EDIL3: variants seen among roughly 807,000 people sequenced by gnomAD.
EDIL3 encodes the protein EGF like and discoidin domains 3, also known as EGF-like repeat and discoidin I-like domain-containing protein 3.
A neutral mutation model predicts 67.4 loss-of-function variants in EDIL3; 37 were observed. The observed-to-expected ratio is 0.55, with a 90% CI of 0.42 to 0.72. The LOEUF is 0.72. EDIL3 is among the 30% of genes least tolerant of loss of function. EDIL3 has a pLI of 0.00. For missense variants in EDIL3, 527 were observed against 586.3 expected (o/e 0.90, Z 1.04); for synonymous variants, 195 against 196.3 (o/e 0.99, Z 0.05).
chr5:84,026,829 C>G (rs1745824331), intron 9 of EDIL3, among the ~76,000 whole-genome samples: 1 of 152,114 alleles, frequency 6.6e-6, no homozygotes, highest in Admixed American at 6.6e-5. Context: ...AAGAATGTAT[C>G]TTGTCCAGCA....
chr5:84,078,665 G>C (rs1025678218), intron 6 of EDIL3: 1 of 152,136 alleles, frequency 6.6e-6, no homozygotes, highest in Non-Finnish European at 1.5e-5. Flanking sequence ...GAAATAGGGA[G>C]GTGAAGTCTT....
chr5:84,122,584 A>C (rs1040673662), intron 5 of EDIL3, among the ~76,000 whole-genome samples: 1 of 151,918 alleles, frequency 6.6e-6, no homozygotes, highest in African/African-American at 2.4e-5. Context: ...CTAAAGTCTT[A>C]CAGCCAGGAT....
intron 9 of EDIL3, among the ~76,000 whole-genome samples, chr5:84,003,387 C>T (rs1241884996): frequency 6.6e-6 from 1 of 152,148 alleles, no homozygotes; most frequent in Non-Finnish European, 1.5e-5. Flanking sequence ...CCCAAGGTGG[C>T]AGCATATAGC....
intron 1 of EDIL3, among the ~76,000 whole-genome samples, chr5:84,311,537 A>G (rs1041145030): frequency 5.3e-5 from 8 of 151,398 alleles, no homozygotes; most frequent in Admixed American, 5.3e-4. Context: ...TAAACTGGTT[A>G]TGGGTAGTAG....
chr5:84,192,091 G>T (rs530025446), intron 3 of EDIL3, among the ~76,000 whole-genome samples: 2 of 151,946 alleles, frequency 1.3e-5, no homozygotes, highest in Non-Finnish European at 2.9e-5. Flanking sequence ...AAGATTAATT[G>T]AAGTATTTTA....
At chr5:84,186,860 G>A (rs1039909208) in intron 3 of EDIL3, among the ~76,000 whole-genome samples, 4 of 151,994 alleles carry the variant, frequency 2.6e-5, no homozygotes, top group Middle Eastern at 3.2e-3. Flanking sequence ...TAGAAGACAA[G>A]GGCAATCTCA....
In EDIL3 at chr5:84,214,599, T is replaced by C. The variant is rs532990281; in HGVS notation, c.226+15256A>G. Among the ~76,000 whole-genome samples, 104 of 152,332 alleles carry C rather than the reference T, an allele frequency of 6.8e-4. 2 individuals carry two copies. Among genetic ancestry groups the C allele is most frequent in the Middle Eastern group, 3.4e-3 (1 of 294 alleles). ...GGAGAGTTGCCTGTAATTTACAGCATCTTTAATATTCTTATCAAATTATTG... is the reference window on the plus strand; with the variant it reads ...GGAGAGTTGCCTGTAATTTACAGCACCTTTAATATTCTTATCAAATTATTG... On this transcript the variant is annotated intron_variant, in intron 3 of 10. Coordinates refer to ENST00000296591, the MANE Select transcript of EDIL3 (RefSeq NM_005711.5).
At chr5:83,990,809 G>A (rs1380011608) in intron 9 of EDIL3, among the ~76,000 whole-genome samples, 1 of 151,804 alleles carries the variant, frequency 6.6e-6, no homozygotes, top group Non-Finnish European at 1.5e-5. Context: ...GAACCCGAGA[G>A]GTGGAGGTTG....
chr5:84,256,519 T>A (rs1745127296), intron 1 of EDIL3, among the ~76,000 whole-genome samples: 1 of 152,150 alleles, frequency 6.6e-6, no homozygotes, highest in South Asian at 2.1e-4. Flanking sequence ...AAAGGTCATG[T>A]CTCATTCCAG....
chr5:84,209,979 T>G (rs1744082048), intron 3 of EDIL3, among the ~76,000 whole-genome samples: 1 of 152,226 alleles, frequency 6.6e-6, no homozygotes, highest in Admixed American at 6.5e-5. Flanking sequence ...CAAAGCACAT[T>G]CTAATTTACC....
At chr5:84,375,096 T>G (rs1437162742) in intron 1 of EDIL3, among the ~76,000 whole-genome samples, 3 of 151,894 alleles carry the variant, frequency 2.0e-5, no homozygotes, top group African/African-American at 7.3e-5. Context: ...CTCAGCCTCC[T>G]GAGTAGCTGG....
intron 9 of EDIL3, among the ~76,000 whole-genome samples, chr5:84,025,093 A>G (rs1355362420): frequency 1.3e-5 from 2 of 152,028 alleles, no homozygotes; most frequent in African/African-American, 4.8e-5. Flanking sequence ...CCACCCTTAA[A>G]TGTATCCCTT....
chr5:84,331,364 G>A (rs746316978), intron 1 of EDIL3, among the ~76,000 whole-genome samples: 31 of 152,298 alleles, frequency 2.0e-4, no homozygotes, highest in Admixed American at 5.9e-4. Flanking sequence ...ATCTTGAACT[G>A]TAGTTCCCAT....
At position 84,357,421 on chromosome 5, in the gene EDIL3, C is replaced by A. The variant is rs1747509363; in HGVS notation, c.67+26887G>T. Among the ~76,000 whole-genome samples, 5 of 152,176 alleles carry A rather than the reference C, an allele frequency of 3.3e-5. No individual in the cohort carries two copies. In the South Asian group the frequency reaches 1.0e-3, roughly 32 times the overall value. The stretch of plus-strand genomic sequence containing the variant: ...ATGGACCTGCATATGAAAGAAAATT[C>A]TCCCACATCAAAGCAGATGGCCCAT... On this transcript the variant is annotated intron_variant, in intron 1 of 10. Transcript: ENST00000296591.
intron 6 of EDIL3, 131 bp from the exon 7 acceptor site, chr5:84,066,737 A>C: frequency 2.5e-6 from 3 of 1,209,034 alleles, no homozygotes; most frequent in Non-Finnish European, 3.4e-6. Context: ...ATTTTCATGG[A>C]TAAATGTTTA....
At chr5:84,124,947 T>C (rs575265502) in intron 5 of EDIL3, among the ~76,000 whole-genome samples, 5 of 152,052 alleles carry the variant, frequency 3.3e-5, no homozygotes, top group Non-Finnish European at 7.4e-5. Flanking sequence ...TTTCTTGGTG[T>C]TAACCTTTTC....
intron 1 of EDIL3, among the ~76,000 whole-genome samples, chr5:84,301,894 T>C (rs1746170507): frequency 6.6e-6 from 1 of 152,214 alleles, no homozygotes; most frequent in Non-Finnish European, 1.5e-5. Flanking sequence ...TGCGTGATTT[T>C]TTTTCCTGAC....
chr5:84,314,895 T>A lies in EDIL3; in HGVS notation c.68-60683A>T, dbSNP rs747796261. On this transcript the variant is annotated intron_variant, in intron 1 of 10. Coordinates refer to ENST00000296591, the MANE Select transcript of EDIL3 (RefSeq NM_005711.5). Reference sequence around the variant, plus strand: ...TAACCCTATTAAGTAGCCCAAAAACTATTTAAAATATAAATATTTTTTGAA... The same window carrying A: ...TAACCCTATTAAGTAGCCCAAAAACAATTTAAAATATAAATATTTTTTGAA... 3.3e-5 allele frequency among the ~76,000 whole-genome samples: 5 copies of A among 152,148 alleles called. No homozygotes were observed. The East Asian group carries it at 9.6e-4, about 29-fold the overall frequency.
At chr5:84,249,009 A>G (rs1734892631) in intron 2 of EDIL3, among the ~76,000 whole-genome samples, 1 of 152,182 alleles carries the variant, frequency 6.6e-6, no homozygotes, top group Non-Finnish European at 1.5e-5. Flanking sequence ...TAAAAAGTTG[A>G]AATTTTTTTA....
Sources: allele counts gnomAD v4.1 joint callset (sites outside exome capture counted in the v4.1 genomes callset), GRCh38; gene constraint gnomAD v4.1.1; transcripts MANE v1.5; gene names NCBI Gene and HGNC (gene_info 2026-07-23, HGNC 2026-07-21).